Variants in AKAP6 observed in about 807,000 individuals in gnomAD.
AKAP6 encodes A-kinase anchor protein 6.
AKAP6 carries 58 observed loss-of-function variants against 188.5 expected under a neutral mutation model. The ratio of observed to expected loss-of-function variants is 0.31; its 90% confidence interval spans 0.25 to 0.38. The LOEUF (loss-of-function observed/expected upper bound fraction) is 0.38, where lower values mean the gene tolerates loss of function less well. Ranked by LOEUF, AKAP6 falls within the 10% of genes least tolerant of loss-of-function variation. The pLI is 1.00. For synonymous variants in AKAP6, 989 were observed against 998.6 expected (o/e 0.99, Z 0.18); for missense variants, 2,710 against 2,740.0 (o/e 0.99, Z 0.24).
intron 2 of AKAP6, among the ~76,000 whole-genome samples, chr14:32,515,080 G>A (rs886763571): frequency 2.6e-5 from 4 of 152,150 alleles, no homozygotes. Context: ...ATTTATAAAG[G>A]AAAGAGGTTT....
chr14:32,615,591 C>CTTTTT (rs779867395), intron 7 of AKAP6, among the ~76,000 whole-genome samples: 50 of 115,250 alleles, frequency 4.3e-4, no homozygotes, highest in East Asian at 6.9e-4. Context: ...TAAACCATTA[C>CTTTTT]TTTTTTTTTT....
At chr14:32,439,564 G>A (rs1890499944) in intron 2 of AKAP6, among the ~76,000 whole-genome samples, 1 of 151,166 alleles carries the variant, frequency 6.6e-6, no homozygotes, top group Non-Finnish European at 1.5e-5. Flanking sequence ...AAAAGGGAAG[G>A]ATTATTCTCT....
chr14:32,736,795 A>G (rs1000199839), intron 11 of AKAP6, among the ~76,000 whole-genome samples: 2 of 72,136 alleles, frequency 2.8e-5, no homozygotes. Context: ...CCGTCAGAAA[A>G]TTTAGTCACA....
intron 12 of AKAP6, among the ~76,000 whole-genome samples, chr14:32,816,190 G>GGTTT (rs959794401): frequency 5.3e-5 from 8 of 152,046 alleles, no homozygotes; most frequent in South Asian, 2.1e-4. Context: ...GCTCTTATAT[G>GGTTT]GTTTGTTTGT....
chr14:32,508,835 T>G (rs1163228703), intron 2 of AKAP6, among the ~76,000 whole-genome samples: 1 of 151,900 alleles, frequency 6.6e-6, no homozygotes, highest in Non-Finnish European at 1.5e-5. Context: ...TACCTACTTT[T>G]TTTTTTTTTG....
At chr14:32,432,384 C>T (rs1890253010) in intron 1 of AKAP6, among the ~76,000 whole-genome samples, 1 of 152,116 alleles carries the variant, frequency 6.6e-6, no homozygotes, top group South Asian at 2.1e-4. Context: ...TTAAATTCAT[C>T]TTAAAATGCC....
intron 2 of AKAP6, among the ~76,000 whole-genome samples, chr14:32,529,023 T>G (rs1023168140): frequency 1.3e-5 from 2 of 152,150 alleles, no homozygotes; most frequent in Non-Finnish European, 2.9e-5. Context: ...TAAAATAACT[T>G]TCTGGGTTTT....
At chr14:32,725,720 T>C (rs2030836894) in intron 9 of AKAP6, among the ~76,000 whole-genome samples, 1 of 152,206 alleles carries the variant, frequency 6.6e-6, no homozygotes, top group African/African-American at 2.4e-5. Flanking sequence ...AATGTAGCTA[T>C]ATCATAGAGT....
Position 32,684,114 on chromosome 14 carries a change from C to G in AKAP6, c.2879+5655C>G, listed in dbSNP as rs149641494. Among the ~76,000 whole-genome samples the G allele has an allele frequency of 8.0e-3, 1,217 of 152,238 alleles. 24 individuals carry two copies. Among genetic ancestry groups the G allele is most frequent in the African/African-American group, 0.027 (1,123 of 41,514 alleles). On this transcript the variant is annotated intron_variant, in intron 8 of 13. Coordinates refer to ENST00000280979, the MANE Select transcript of AKAP6 (RefSeq NM_004274.5). ...ATAGTTCTTTCCATGGTCTCTGAAG[C>G]ATCCAAGTAGAAAAACCCAGGAAGC...
chr14:32,578,534 A>G (rs955809249), intron 5 of AKAP6, among the ~76,000 whole-genome samples: 24 of 152,128 alleles, frequency 1.6e-4, no homozygotes, highest in African/African-American at 5.1e-4. Flanking sequence ...AGGGCATTTC[A>G]TAATAGCAAG....
At chr14:32,769,060 T>TTTTTTTTTTTTTTTTTTTG (rs2032812756) in intron 11 of AKAP6, among the ~76,000 whole-genome samples, 1 of 133,300 alleles carries the variant, frequency 7.5e-6, no homozygotes, top group Non-Finnish European at 1.6e-5. Context: ...TTTTTTTTTT[T>TTTTTTTTTTTTTTTTTTTG]TTTTGAGACA....
chr14:32,563,261 A>G (rs1421362925), intron 4 of AKAP6, among the ~76,000 whole-genome samples: 2 of 152,186 alleles, frequency 1.3e-5, no homozygotes, highest in Admixed American at 6.5e-5. Flanking sequence ...ACCATGTCTC[A>G]GCTTATCACC....
rs556033695 is a variant in AKAP6 at position 32,519,155 on chromosome 14, G to A, written c.325-16399G>A. Among the ~76,000 whole-genome samples, 129 of 152,304 alleles carry A rather than the reference G, an allele frequency of 8.5e-4. 1 individual carries two copies. The highest frequency in any genetic ancestry group is 2.9e-3 in the African/African-American group (119 of 41,562). Reference sequence around the variant, plus strand: ...AGACAAGCAAATGCTGAGAGATTTTGTCACCACCAGGCCTGCCTTACAAGA... The same window carrying A: ...AGACAAGCAAATGCTGAGAGATTTTATCACCACCAGGCCTGCCTTACAAGA... On this transcript the variant is annotated intron_variant, in intron 2 of 13. Coordinates refer to ENST00000280979, the MANE Select transcript of AKAP6 (RefSeq NM_004274.5).
At chr14:32,331,611 T>C (rs964651043) in intron 1 of AKAP6, among the ~76,000 whole-genome samples, 3 of 152,136 alleles carry the variant, frequency 2.0e-5, no homozygotes, top group Non-Finnish European at 4.4e-5. Flanking sequence ...CCTGCGCTGC[T>C]CTCTGATTAG....
intron 2 of AKAP6, among the ~76,000 whole-genome samples, chr14:32,481,991 A>AGGACCTT (rs200747427): frequency 6.6e-6 from 1 of 152,144 alleles, no homozygotes. Flanking sequence ...CCATCTTGGA[A>AGGACCTT]CAAATTGAAG....
At chr14:32,787,389 G>A (rs1162484457) in intron 12 of AKAP6, among the ~76,000 whole-genome samples, 1 of 152,042 alleles carries the variant, frequency 6.6e-6, no homozygotes, top group Non-Finnish European at 1.5e-5. Context: ...TCCCATCTAG[G>A]TGTACCTCGC....
At chr14:32,517,642 G>A (rs897981780) in intron 2 of AKAP6, among the ~76,000 whole-genome samples, 1 of 152,246 alleles carries the variant, frequency 6.6e-6, no homozygotes, top group African/African-American at 2.4e-5. Context: ...CAGCAAGGCT[G>A]GGGGAGGGGC....
At chr14:32,642,019 C>T (rs911479431) in intron 7 of AKAP6, among the ~76,000 whole-genome samples, 1 of 152,078 alleles carries the variant, frequency 6.6e-6, no homozygotes, top group African/African-American at 2.4e-5. Context: ...ACATCATTTA[C>T]TTGGAGGAAT....
chr14:32,795,702 C>A (rs1046467893), intron 12 of AKAP6, among the ~76,000 whole-genome samples: 4 of 152,168 alleles, frequency 2.6e-5, no homozygotes, highest in Admixed American at 6.5e-5. Context: ...AAGCTGGAAG[C>A]ATTCTTGTTA....
Sources: allele counts gnomAD v4.1 joint callset (sites outside exome capture counted in the v4.1 genomes callset), GRCh38; gene constraint gnomAD v4.1.1; transcripts MANE v1.5; gene names NCBI Gene and HGNC (gene_info 2026-07-23, HGNC 2026-07-21).